Variants in MAP3K3 observed in about 807,000 individuals in gnomAD.
MAP3K3 encodes mitogen-activated protein kinase kinase kinase 3.
Under a neutral mutation model 80.9 loss-of-function variants are expected in MAP3K3, and 12 were observed. The observed-to-expected ratio is 0.15, with a 90% confidence interval of 0.10 to 0.24. The LOEUF is 0.24. Among genes scored for constraint, MAP3K3 ranks in the 10% least tolerant of loss-of-function variants. The probability of loss-of-function intolerance (pLI) is 1.00; values close to 1 mark genes in which losing one functional copy is unlikely to be tolerated. For missense variants in MAP3K3, 596 were observed against 834.7 expected (o/e 0.71, Z 3.52); for synonymous variants, 272 against 307.1 (o/e 0.89, Z 1.19).
chr17:63,676,484 G>C (rs2035222393), intron 6 of MAP3K3, among the ~76,000 whole-genome samples: 1 of 152,230 alleles, frequency 6.6e-6, no homozygotes, highest in African/African-American at 2.4e-5. Flanking sequence ...TCATAAATAA[G>C]AGTTTTTCTT....
intron 6 of MAP3K3, among the ~76,000 whole-genome samples, chr17:63,673,327 T>C (rs2035147686): frequency 6.6e-6 from 1 of 152,166 alleles, no homozygotes; most frequent in Non-Finnish European, 1.5e-5. Flanking sequence ...TCCATCATAA[T>C]ATGCATACCT....
Position 63,693,670 on chromosome 17 carries a change from A to G in MAP3K3, c.1774A>G (p.Ile592Val). ...CACCAATCCTCAGCTGCCCTCCCACATCTCTGAACATGGCCGGGACTTCCT... is the reference window on the plus strand; with the variant it reads ...CACCAATCCTCAGCTGCCCTCCCACGTCTCTGAACATGGCCGGGACTTCCT... ...QPTNPQLPSH[I>V]SEHGRDFLRR... The change falls in exon 16 of 16, where the codon ATC (isoleucine) becomes GTC (valine). Residue 592 changes from isoleucine (I) to valine (V), a missense_variant. Physicochemically the swap from Ile to Val is conservative, Grantham distance 29 (BLOSUM62 3). This residue lies in a region of MAP3K3 where 364 missense variants were observed against 588.9 expected (regional missense o/e 0.62). Transcript: ENST00000361733. The surrounding 1 kb of genome is among the most constrained non-coding windows in gnomAD (Gnocchi z 4.2). 5 of 1,608,234 alleles carry G rather than the reference A, an allele frequency of 3.1e-6. No individual in the cohort carries two copies. Among genetic ancestry groups the G allele is most frequent in the Non-Finnish European group, 4.2e-6 (5 of 1,176,590 alleles).
At chr17:63,646,222 T>G (rs1418264886) in intron 3 of MAP3K3, 148 bp downstream of exon 3, 4 of 706,504 alleles carry the variant, frequency 5.7e-6, no homozygotes, top group Non-Finnish European at 7.7e-6. Context: ...GGAGGAAAGT[T>G]TCACCCTTGT....
chr17:63,689,706 C>G lies in MAP3K3; in HGVS notation c.1034C>G (p.Ser345Cys). 2.5e-6 allele frequency: 4 copies of G among 1,613,774 alleles called. No homozygotes were observed. Among genetic ancestry groups the G allele is most frequent in the Non-Finnish European group, 3.4e-6 (4 of 1,179,860 alleles). ...LRSADSENAL[S>C]VQERNVPTKS... The stretch of plus-strand genomic sequence containing the variant: ...AGTGCGGACAGCGAGAATGCCCTCT[C>G]TGTGCAGGAGAGGAATGTGCCAACC... The change falls in exon 11 of 16, where the codon TCT (serine) becomes TGT (cysteine). Residue 345 changes from serine to cysteine, a missense_variant. Ser to Cys is a moderately radical substitution (Grantham distance 112). Transcript: ENST00000361733. This position sits in a 1 kb window ranked among gnomAD's most constrained non-coding sequence, Gnocchi z 4.3.
chr17:63,671,989 A>T (rs2143495718), intron 6 of MAP3K3, among the ~76,000 whole-genome samples: 1 of 152,214 alleles, frequency 6.6e-6, no homozygotes, highest in African/African-American at 2.4e-5. Context: ...TCATTTAAAA[A>T]AAAAAAAATG....
At chr17:63,674,141 CTTG>C (rs1025125058) in intron 6 of MAP3K3, among the ~76,000 whole-genome samples, 7 of 151,856 alleles carry the variant, frequency 4.6e-5, no homozygotes, top group Non-Finnish European at 8.8e-5. Flanking sequence ...CTAAGTTCAT[CTTG>C]TTAAGTGCCT....
In MAP3K3 at chr17:63,692,317, T is replaced by C. The variant is rs2035608912; in HGVS notation, c.1550T>C (p.Ile517Thr). The C allele has an allele frequency of 6.2e-7, 1 of 1,613,644 alleles. No homozygotes were observed. The highest frequency in any genetic ancestry group is 8.5e-7 in the Non-Finnish European group (1 of 1,179,984). ...DFGASKRLQT[I>T]CMSGTGMRSV... ...GGGGCCAGCAAACGCCTGCAGACGA[T>C]CTGTATGTCGGGGACGGGCATGCGC... is the stretch of plus-strand genomic sequence containing the variant. Residue 517 changes from isoleucine to threonine, a missense_variant, in exon 15 of 16, where the codon ATC (isoleucine) becomes ACC (threonine). Coordinates refer to ENST00000361733, the MANE Select transcript of MAP3K3 (RefSeq NM_002401.5). This position sits in a 1 kb window ranked among gnomAD's most constrained non-coding sequence, Gnocchi z 4.5.
intron 7 of MAP3K3, among the ~76,000 whole-genome samples, chr17:63,685,064 A>G (rs1048371723): frequency 3.9e-5 from 6 of 152,296 alleles, no homozygotes; most frequent in African/African-American, 1.4e-4. Context: ...GACTTTAGAC[A>G]AGTCTCCTAA....
chr17:63,678,510 G>GGC, intron 6 of MAP3K3, among the ~76,000 whole-genome samples: 23 of 152,298 alleles, frequency 1.5e-4, no homozygotes, highest in African/African-American at 5.3e-4. Context: ...GAGCAATTTT[G>GGC]TTTCTGGCCT....
intron 3 of MAP3K3, among the ~76,000 whole-genome samples, chr17:63,651,440 C>T (rs984310597): frequency 2.0e-5 from 3 of 152,120 alleles, no homozygotes; most frequent in Admixed American, 1.3e-4. Context: ...TGCCACTGCA[C>T]TCCAGCCTAG....
At chr17:63,683,615 G>A (rs1425352381) in intron 7 of MAP3K3, among the ~76,000 whole-genome samples, 3 of 152,140 alleles carry the variant, frequency 2.0e-5, no homozygotes, top group Admixed American at 6.5e-5. Context: ...CTCCCCCAGC[G>A]CCTGCCTCTT....
At chr17:63,636,048 G>T (rs1256107212) in intron 2 of MAP3K3, among the ~76,000 whole-genome samples, 1 of 152,190 alleles carries the variant, frequency 6.6e-6, no homozygotes, top group Non-Finnish European at 1.5e-5. Flanking sequence ...GTCGAGACTG[G>T]CACAGCTTCA....
rs1031926953 is a variant in MAP3K3 at position 63,626,088 on chromosome 17, CAAACAAAAAAT to C, written c.4+3327_4+3337del. ...GAGACCCTGTCTCTAAAACAAAAAA[CAAACAAAAAAT>C]AGCTGAATTTTAGGCATCTGTAAAA... On this transcript the variant is annotated intron_variant, in intron 1 of 15. Transcript: ENST00000361733. Among the ~76,000 whole-genome samples the C allele has an allele frequency of 7.2e-5, 11 of 152,168 alleles. No homozygotes were observed. The South Asian group carries it at 2.1e-3, about 29-fold the overall frequency.
Position 63,689,153 on chromosome 17 carries a change from C to A in MAP3K3, c.871+272C>A. The A allele has an allele frequency of 1.8e-6, 1 of 566,280 alleles. No individual in the cohort carries two copies. Among genetic ancestry groups the A allele is most frequent in the Non-Finnish European group, 3.1e-6 (1 of 318,322 alleles). The allele number at this position is 566,280 out of a possible 1,614,324, so 35.1% of individuals were successfully genotyped here. A position where few individuals can be genotyped will look rare whatever the true frequency, so the allele number is the denominator to read the frequency against. On this transcript the variant is annotated intron_variant, in intron 10 of 15. Coordinates refer to ENST00000361733, the MANE Select transcript of MAP3K3 (RefSeq NM_002401.5). This position sits in a 1 kb window ranked among gnomAD's most constrained non-coding sequence, Gnocchi z 4.3. ...ATCTCTCCCATGTCCTCTTCTGCCC[C>A]ACAGCAGCAGGTGGCCTGGGCCCTG...
chr17:63,686,585 T>C (rs549073602), intron 8 of MAP3K3, among the ~76,000 whole-genome samples: 1 of 152,292 alleles, frequency 6.6e-6, no homozygotes, highest in African/African-American at 2.4e-5. Flanking sequence ...ACAGAAGGTC[T>C]AGTAGTTGGG....
rs1232535625 is a variant in MAP3K3 at position 63,690,398 on chromosome 17, C to G, written c.1198C>G (p.Pro400Ala). 2 of 1,613,928 alleles carry G rather than the reference C, an allele frequency of 1.2e-6. No homozygotes were observed. Among genetic ancestry groups the G allele is most frequent in the South Asian group, 1.1e-5 (1 of 91,058 alleles). The change falls in exon 12 of 16, where the codon CCT (proline) becomes GCT (alanine). Residue 400 changes from proline (P) to alanine (A), a missense_variant. This residue lies in a region of MAP3K3 where 364 missense variants were observed against 588.9 expected (regional missense o/e 0.62). Transcript: ENST00000361733. ...SKQVQFDPDS[P>A]ETSKEVSALE... Reference sequence around the variant, plus strand: ...GCAGGTCCAATTTGATCCAGACAGTCCTGAGACAAGCAAGGTACACTTAAC... The same window carrying G: ...GCAGGTCCAATTTGATCCAGACAGTGCTGAGACAAGCAAGGTACACTTAAC...
chr17:63,688,745 A>G (rs765258904), intron 9 of MAP3K3, 44 bp from the exon 10 acceptor site: 72 of 1,480,926 alleles, frequency 4.9e-5, no homozygotes, highest in Middle Eastern at 1.7e-4. Context: ...TAAGTGGCTC[A>G]CATTGACCTA....
chr17:63,653,174 A>G (rs976267835), intron 4 of MAP3K3, among the ~76,000 whole-genome samples: 8 of 151,970 alleles, frequency 5.3e-5, no homozygotes, highest in Non-Finnish European at 8.8e-5. Context: ...TCCTCACTCC[A>G]CCCCAACGGT....
intron 2 of MAP3K3, among the ~76,000 whole-genome samples, chr17:63,633,820 C>T (rs2034265499): frequency 6.6e-6 from 1 of 152,186 alleles, no homozygotes; most frequent in South Asian, 2.1e-4. Flanking sequence ...TTGTGTATGA[C>T]ATTCTCCCTT....
Sources: allele counts gnomAD v4.1 joint callset (sites outside exome capture counted in the v4.1 genomes callset), GRCh38; gene constraint gnomAD v4.1.1; regional missense constraint gnomAD v4.1.1; non-coding constraint Gnocchi (gnomAD v3.1); transcripts MANE v1.5; gene names NCBI Gene and HGNC (gene_info 2026-07-23, HGNC 2026-07-21).